The following ST8SIA5 variants were observed in gnomAD, a reference collection of about 807,000 sequenced individuals.
ST8SIA5 encodes alpha-2,8-sialyltransferase 8E.
Under a neutral mutation model 40.2 loss-of-function variants are expected in ST8SIA5, and 24 were observed. The ratio of observed to expected loss-of-function variants is 0.60; its 90% CI spans 0.43 to 0.84. The LOEUF (loss-of-function observed/expected upper bound fraction) is 0.84, where lower values mean the gene tolerates loss of function less well. ST8SIA5 is among the 40% of genes least tolerant of loss of function. The pLI is 0.00. For synonymous variants in ST8SIA5, 198 were observed against 201.8 expected (o/e 0.98, Z 0.16); for missense variants, 465 against 498.5 (o/e 0.93, Z 0.64).
In ST8SIA5 at chr18:46,677,378, C is replaced by T. The variant is rs527773743; in HGVS notation, c.*2664G>A. ...CTGGAATTGCTTTAAGCCTCTGTCT[C>T]CTCATCTGTACAATGGGAGCCTCCT... On this transcript the variant is annotated 3_prime_UTR_variant, in exon 7 of 7. Transcript: ENST00000315087. The T allele has an allele frequency of 2.0e-5, 3 of 151,328 alleles. No individual in the cohort carries two copies. Among genetic ancestry groups the T allele is most frequent in the East Asian group, 1.9e-4 (1 of 5,160 alleles). 9.4% of individuals were successfully genotyped at this position (151,328 alleles called of 1,614,324 possible).
rs2039335064 is a variant in ST8SIA5 at position 46,675,698 on chromosome 18, G to T, written c.*4344C>A. The stretch of plus-strand genomic sequence containing the variant: ...AGGAACCTGAGAAGGAGCATTCAGA[G>T]AGACAGGAGGAAAGTCAGGGAAGAA... On this transcript the variant is annotated 3_prime_UTR_variant, in exon 7 of 7. Transcript: ENST00000315087. 1 of 152,272 alleles carries T rather than the reference G, an allele frequency of 6.6e-6. No individual in the cohort carries two copies. Among genetic ancestry groups the T allele is most frequent in the Admixed American group, 6.5e-5 (1 of 15,268 alleles). 9.4% of individuals were successfully genotyped at this position (152,272 alleles called of 1,614,324 possible). A position where few individuals can be genotyped will look rare whatever the true frequency, so the allele number is the denominator to read the frequency against.
intron 2 of ST8SIA5, 52 bp from the exon 3 acceptor site, chr18:46,692,307 G>T: frequency 1.3e-6 from 2 of 1,551,578 alleles, no homozygotes; most frequent in Non-Finnish European, 1.8e-6. Context: ...GGGACAGAGC[G>T]CGATCATTCC....
chr18:46,728,270 T>C (rs1428243530), intron 1 of ST8SIA5, among the ~76,000 whole-genome samples: 1 of 151,916 alleles, frequency 6.6e-6, no homozygotes, highest in Non-Finnish European at 1.5e-5. Context: ...CTTTCCCATT[T>C]TGATTGAAGT....
intron 1 of ST8SIA5, among the ~76,000 whole-genome samples, chr18:46,706,460 A>G (rs931263819): frequency 6.6e-5 from 10 of 151,872 alleles, no homozygotes; most frequent in Non-Finnish European, 1.2e-4. Context: ...AGCAAATAAC[A>G]TGGTATTGGG....
chr18:46,683,349 T>C (rs1010461339), intron 5 of ST8SIA5, among the ~76,000 whole-genome samples: 1 of 152,178 alleles, frequency 6.6e-6, no homozygotes, highest in African/African-American at 2.4e-5. Context: ...ACATAATGAA[T>C]GAATAATAAA....
chr18:46,735,533 TGCA>T (rs2040025426), intron 1 of ST8SIA5, among the ~76,000 whole-genome samples: 1 of 152,176 alleles, frequency 6.6e-6, no homozygotes, highest in Non-Finnish European at 1.5e-5. Flanking sequence ...TATAAATAAG[TGCA>T]TGCAAAATTG....
intron 5 of ST8SIA5, among the ~76,000 whole-genome samples, chr18:46,684,634 G>A (rs897839471): frequency 2.0e-5 from 3 of 152,202 alleles, no homozygotes; most frequent in African/African-American, 7.2e-5. Context: ...TCTTAGCCCT[G>A]AAAATCACAC....
At chr18:46,712,546 C>T (rs56190504) in intron 1 of ST8SIA5, among the ~76,000 whole-genome samples, 4,264 of 152,324 alleles carry the variant, frequency 0.028, 76 homozygotes, top group Non-Finnish European at 0.045. Context: ...TCGTGGCCCT[C>T]CCTCCTCTGT....
At chr18:46,733,849 G>A (rs1965623886) in intron 1 of ST8SIA5, among the ~76,000 whole-genome samples, 1 of 152,168 alleles carries the variant, frequency 6.6e-6, no homozygotes, top group Non-Finnish European at 1.5e-5. Flanking sequence ...ATCAGTTCAT[G>A]GAAGAAAGGA....
Position 46,676,404 on chromosome 18 carries a change from G to A in ST8SIA5, c.*3638C>T, listed in dbSNP as rs1009514593. On this transcript the variant is annotated 3_prime_UTR_variant, in exon 7 of 7. Coordinates refer to ENST00000315087, the MANE Select transcript of ST8SIA5 (RefSeq NM_013305.6). ...CCTGGCACCATGCCTGGCACAACATGAGCACTCAATAAATATAATTTATTC... is the reference window on the plus strand; with the variant it reads ...CCTGGCACCATGCCTGGCACAACATAAGCACTCAATAAATATAATTTATTC... 34 of 152,222 alleles carry A rather than the reference G, an allele frequency of 2.2e-4. No homozygotes were observed. The highest frequency in any genetic ancestry group is 8.2e-4 in the African/African-American group (34 of 41,432). The allele number at this position is 152,222 out of a possible 1,614,324, so 9.4% of individuals were successfully genotyped here.
At position 46,674,416 on chromosome 18, in the gene ST8SIA5, G is replaced by A. The variant is rs1167251583; in HGVS notation, c.*5626C>T. Reference sequence around the variant, plus strand: ...CCCTGGACAGGCAGGAGGAGTCTCTGCCTTCCTGGGATGTGCTAGGTAAAA... The same window carrying A: ...CCCTGGACAGGCAGGAGGAGTCTCTACCTTCCTGGGATGTGCTAGGTAAAA... On this transcript the variant is annotated 3_prime_UTR_variant, in exon 7 of 7. Coordinates refer to ENST00000315087, the MANE Select transcript of ST8SIA5 (RefSeq NM_013305.6). 2 of 152,196 alleles carry A rather than the reference G, an allele frequency of 1.3e-5. No homozygotes were observed. The highest frequency in any genetic ancestry group is 2.9e-5 in the Non-Finnish European group (2 of 68,042). The allele number at this position is 152,196 out of a possible 1,614,324, so 9.4% of individuals were successfully genotyped here. A position where few individuals can be genotyped will look rare whatever the true frequency, so the allele number is the denominator to read the frequency against.
At position 46,743,455 on chromosome 18, in the gene ST8SIA5, A is replaced by C. The variant is rs1279838251; in HGVS notation, c.131+12923T>G. On this transcript the variant is annotated intron_variant, in intron 1 of 6. Coordinates refer to ENST00000315087, the MANE Select transcript of ST8SIA5 (RefSeq NM_013305.6). ...ATAGCCGATTCGATCAAGTGGAAGAAAAGGTATCAGTGATTGAAGATCAAA... is the reference window on the plus strand; with the variant it reads ...ATAGCCGATTCGATCAAGTGGAAGACAAGGTATCAGTGATTGAAGATCAAA... 3.9e-5 allele frequency among the ~76,000 whole-genome samples: 6 copies of C among 152,232 alleles called. No individual in the cohort carries two copies. In the East Asian group the frequency reaches 1.2e-3, roughly 29 times the overall value.
chr18:46,736,094 T>C (rs1264088902), intron 1 of ST8SIA5, among the ~76,000 whole-genome samples: 2 of 152,178 alleles, frequency 1.3e-5, no homozygotes, highest in Admixed American at 1.3e-4. Flanking sequence ...TAACCTAATA[T>C]ATTCAAATAT....
chr18:46,738,362 C>G (rs1279706335), intron 1 of ST8SIA5, among the ~76,000 whole-genome samples: 1 of 151,984 alleles, frequency 6.6e-6, no homozygotes, highest in Non-Finnish European at 1.5e-5. Flanking sequence ...AAACTCACAT[C>G]CAACACCTGG....
At chr18:46,691,224 G>C (rs557579548) in intron 3 of ST8SIA5, among the ~76,000 whole-genome samples, 24 of 152,296 alleles carry the variant, frequency 1.6e-4, no homozygotes, top group African/African-American at 5.8e-4. Context: ...GAGGCCTCTG[G>C]CACCTGATCT....
intron 1 of ST8SIA5, among the ~76,000 whole-genome samples, chr18:46,712,444 T>G (rs764947969): frequency 4.6e-5 from 7 of 151,780 alleles, no homozygotes; most frequent in African/African-American, 1.7e-4. Flanking sequence ...CCTGGGGGAG[T>G]CTCTCTGTCT....
intron 5 of ST8SIA5, among the ~76,000 whole-genome samples, chr18:46,684,630 C>T (rs1900342833): frequency 6.6e-6 from 1 of 152,190 alleles, no homozygotes; most frequent in African/African-American, 2.4e-5. Context: ...CACTTCTTAG[C>T]CCTGAAAATC....
At chr18:46,715,119 T>C (rs1178470011) in intron 1 of ST8SIA5, among the ~76,000 whole-genome samples, 1 of 152,238 alleles carries the variant, frequency 6.6e-6, no homozygotes, top group Non-Finnish European at 1.5e-5. Context: ...GCCCAGAACA[T>C]TCCACCAAAC....
In ST8SIA5 at chr18:46,712,828, C is replaced by CA. The variant is rs997510414; in HGVS notation, c.132-8165dup. Among the ~76,000 whole-genome samples the CA allele has an allele frequency of 1.5e-4, 22 of 150,776 alleles. 2 individuals carry two copies. The highest frequency in any genetic ancestry group is 4.6e-4 in the Admixed American group (7 of 15,162). On this transcript the variant is annotated intron_variant, in intron 1 of 6. Coordinates refer to ENST00000315087, the MANE Select transcript of ST8SIA5 (RefSeq NM_013305.6). The stretch of plus-strand genomic sequence containing the variant: ...TAATGCCACATAGCCATAACTCTTC[C>CA]AAAAAAAAAGCAGGACAAGGAATTG...
Sources: gnomAD v4.1 joint callset for allele counts (sites outside exome capture counted in the v4.1 genomes callset) on GRCh38, gnomAD v4.1.1 for gene constraint, MANE v1.5 for transcripts, NCBI Gene and HGNC (gene_info 2026-07-23, HGNC 2026-07-21) for gene names.